Variants in SPPL3 observed in about 807,000 individuals in gnomAD.
SPPL3 encodes signal peptide peptidase like 3.
In SPPL3, 5 loss-of-function variants were observed where a neutral mutation model predicts 42.4. The observed-to-expected ratio is 0.12, with a 90% CI of 0.06 to 0.25. SPPL3 has a LOEUF of 0.25. Ranked by LOEUF, SPPL3 falls within the 10% of genes least tolerant of loss-of-function variation. The probability of loss-of-function intolerance (pLI) is 1.00; values close to 1 mark genes in which losing one functional copy is unlikely to be tolerated. For synonymous variants in SPPL3, 195 were observed against 181.8 expected (o/e 1.07, Z -0.58); for missense variants, 235 against 489.0 (o/e 0.48, Z 4.90).
At chr12:120,770,731 TC>T (rs1219020657) in intron 6 of SPPL3, among the ~76,000 whole-genome samples, 1 of 152,186 alleles carries the variant, frequency 6.6e-6, no homozygotes, top group African/African-American at 2.4e-5. Context: ...TCAGATCTTT[TC>T]CTCTCTCAGT....
chr12:120,764,934 G>GAAAC lies in SPPL3; in HGVS notation c.*61_*64dup. 12 of 1,559,222 alleles carry GAAAC rather than the reference G, an allele frequency of 7.7e-6. No individual in the cohort carries two copies. Among genetic ancestry groups the GAAAC allele is most frequent in the Non-Finnish European group, 1.1e-5 (12 of 1,139,142 alleles). ...CTGAGTACCAGGCCAGCTCTAAGAG[G>GAAAC]AAACAAACCATGAGTTGAGAGAAAA... On this transcript the variant is annotated 3_prime_UTR_variant, in exon 11 of 11. Transcript: ENST00000353487.
intron 1 of SPPL3, among the ~76,000 whole-genome samples, chr12:120,828,880 C>T (rs186251768): frequency 6.6e-6 from 1 of 152,118 alleles, no homozygotes; most frequent in Admixed American, 6.5e-5. Context: ...CTCAGCCTCC[C>T]GAGTTGCTGG....
chr12:120,843,750 C>T (rs1364585536), intron 1 of SPPL3, among the ~76,000 whole-genome samples: 9 of 152,048 alleles, frequency 5.9e-5, no homozygotes, highest in Non-Finnish European at 1.3e-4. Context: ...GTCAGGAGTT[C>T]GAGACCAGCC....
chr12:120,812,701 T>C (rs1368966775), intron 1 of SPPL3, among the ~76,000 whole-genome samples: 1 of 152,042 alleles, frequency 6.6e-6, no homozygotes, highest in African/African-American at 2.4e-5. Flanking sequence ...CCCAGAATAG[T>C]AGGTTATTTC....
intron 1 of SPPL3, chr12:120,835,675 C>T (rs1394387677): frequency 1.3e-5 from 2 of 152,136 alleles, no homozygotes; most frequent in African/African-American, 2.4e-5. Flanking sequence ...ATGTAAAAAG[C>T]TTAATGTAAA....
rs567478840 is a variant in SPPL3, at chr12:120,869,561, A to G, written c.23+34284T>C. ...GGTGCCAAACAAAAATGTTCTCATG[A>G]ATTTCAAAAATGCACACCAGAGAAT... On this transcript the variant is annotated intron_variant, in intron 1 of 10. Coordinates refer to ENST00000353487, the MANE Select transcript of SPPL3 (RefSeq NM_139015.5). 2.6e-5 allele frequency among the ~76,000 whole-genome samples: 4 copies of G among 152,326 alleles called. No individual in the cohort carries two copies. The South Asian group carries it at 6.2e-4, about 24-fold the overall frequency.
intron 1 of SPPL3, among the ~76,000 whole-genome samples, chr12:120,838,801 CAAT>C (rs1871706251): frequency 6.6e-6 from 1 of 152,150 alleles, no homozygotes; most frequent in Admixed American, 6.5e-5. Flanking sequence ...ATCAAAACCA[CAAT>C]GAGATATCAT....
intron 1 of SPPL3, among the ~76,000 whole-genome samples, chr12:120,859,994 A>G (rs918263153): frequency 2.0e-5 from 3 of 152,192 alleles, no homozygotes; most frequent in Non-Finnish European, 4.4e-5. Context: ...TAATCCCAGC[A>G]CTTTGGGAGG....
chr12:120,781,922 G>A (rs1374460574), intron 6 of SPPL3, among the ~76,000 whole-genome samples: 1 of 151,670 alleles, frequency 6.6e-6, no homozygotes, highest in Non-Finnish European at 1.5e-5. Context: ...CTGTTGCTGA[G>A]GCTGGAGTGC....
rs536544348 is a variant in SPPL3 at position 120,764,849 on chromosome 12, C to G, written c.*150G>C. 8.7e-6 allele frequency: 7 copies of G among 805,530 alleles called. No homozygotes were observed. The highest frequency in any genetic ancestry group is 1.1e-5 in the Non-Finnish European group (6 of 528,606). The allele number at this position is 805,530 out of a possible 1,614,324, so 49.9% of individuals were successfully genotyped here. ...GGCTCCAGCACCTCTCTCCTGCAAA[C>G]GAGCTCCCTTTAAATGCCAAATCCA... On this transcript the variant is annotated 3_prime_UTR_variant, in exon 11 of 11. Transcript: ENST00000353487.
intron 9 of SPPL3, among the ~76,000 whole-genome samples, chr12:120,766,852 C>T (rs73227033): frequency 0.025 from 3,878 of 152,276 alleles, 77 homozygotes; most frequent in Middle Eastern, 0.051. Flanking sequence ...TGCTGTGGGA[C>T]GAGGACAGTG....
chr12:120,859,315 A>G (rs1438170830), intron 1 of SPPL3, among the ~76,000 whole-genome samples: 1 of 152,178 alleles, frequency 6.6e-6, no homozygotes, highest in African/African-American at 2.4e-5. Flanking sequence ...TGCATTTTGG[A>G]TAATTTTGGA....
intron 1 of SPPL3, among the ~76,000 whole-genome samples, chr12:120,833,696 GA>G: frequency 7.5e-6 from 1 of 134,014 alleles, no homozygotes; most frequent in South Asian, 2.3e-4. Context: ...AAAAAAAAAG[GA>G]AAAAGAGAAA....
chr12:120,883,231 G>T (rs1566069014), intron 1 of SPPL3, among the ~76,000 whole-genome samples: 1 of 151,878 alleles, frequency 6.6e-6, no homozygotes, highest in African/African-American at 2.4e-5. Flanking sequence ...CATGAACCTG[G>T]CAGGCAGAGC....
intron 2 of SPPL3, among the ~76,000 whole-genome samples, chr12:120,797,820 C>T (rs1417661249): frequency 1.3e-5 from 2 of 152,090 alleles, no homozygotes; most frequent in Non-Finnish European, 2.9e-5. Flanking sequence ...ATCTTAACTT[C>T]GTAGTTTCCC....
At chr12:120,844,959 G>C (rs1871969854) in intron 1 of SPPL3, among the ~76,000 whole-genome samples, 1 of 152,004 alleles carries the variant, frequency 6.6e-6, no homozygotes, top group Admixed American at 6.5e-5. Flanking sequence ...AAAAAGCCTG[G>C]CTGCAGGCTG....
chr12:120,892,770 C>T (rs1324500275), intron 1 of SPPL3, among the ~76,000 whole-genome samples: 2 of 151,930 alleles, frequency 1.3e-5, no homozygotes, highest in Admixed American at 1.3e-4. Context: ...ATCACAAGGT[C>T]AGGAGATCGA....
At chr12:120,847,542 C>A (rs1219542415) in intron 1 of SPPL3, among the ~76,000 whole-genome samples, 1 of 152,076 alleles carries the variant, frequency 6.6e-6, no homozygotes, top group Admixed American at 6.6e-5. Flanking sequence ...AATCTGCCTG[C>A]CTTGGCCTCC....
At chr12:120,877,338 G>C (rs1408925098) in intron 1 of SPPL3, among the ~76,000 whole-genome samples, 1 of 151,798 alleles carries the variant, frequency 6.6e-6, no homozygotes, top group Non-Finnish European at 1.5e-5. Context: ...GAAGAGGACA[G>C]AAAACACTTC....
Sources: gnomAD v4.1 joint callset for allele counts (sites outside exome capture counted in the v4.1 genomes callset) on GRCh38, gnomAD v4.1.1 for gene constraint, MANE v1.5 for transcripts, NCBI Gene and HGNC (gene_info 2026-07-23, HGNC 2026-07-21) for gene names.